The following AFAP1 variants were observed in gnomAD, a reference collection of about 807,000 sequenced individuals.
AFAP1 encodes the protein actin filament-associated protein 1.
AFAP1 carries 75 observed loss-of-function variants against 93.9 expected under a neutral mutation model. That is an observed-to-expected ratio of 0.80 (90% CI 0.66 to 0.97). The LOEUF is 0.97. Among genes scored for constraint, AFAP1 ranks in the 50% least tolerant of loss-of-function variants. The pLI is 0.00. For missense variants in AFAP1, 1,201 were observed against 1,050.8 expected (o/e 1.14, Z -1.98); for synonymous variants, 517 against 430.7 (o/e 1.20, Z -2.48).
intron 2 of AFAP1, among the ~76,000 whole-genome samples, chr4:7,870,377 A>C (rs1716914213): frequency 6.6e-6 from 1 of 152,226 alleles, no homozygotes. Flanking sequence ...TGAACATTTC[A>C]GGCCAGGCGC....
intron 7 of AFAP1, among the ~76,000 whole-genome samples, chr4:7,816,790 G>A (rs1720518304): frequency 6.6e-6 from 1 of 152,212 alleles, no homozygotes; most frequent in Non-Finnish European, 1.5e-5. Context: ...TTCCACGAGG[G>A]CCTTGGAGAC....
intron 8 of AFAP1, among the ~76,000 whole-genome samples, chr4:7,813,603 T>A (rs934513518): frequency 6.6e-6 from 1 of 152,248 alleles, no homozygotes; most frequent in South Asian, 2.1e-4. Context: ...AACATTGAGA[T>A]TGTATGTTAT....
chr4:7,937,852 A>T (rs1350037168), intron 1 of AFAP1, among the ~76,000 whole-genome samples: 1 of 152,226 alleles, frequency 6.6e-6, no homozygotes. Context: ...ATAGAAAAAG[A>T]TTAATCTAAA....
intron 8 of AFAP1, among the ~76,000 whole-genome samples, chr4:7,811,493 G>T (rs1720032645): frequency 6.7e-6 from 1 of 148,870 alleles, no homozygotes; most frequent in Non-Finnish European, 1.5e-5. Flanking sequence ...CTGGGGAGCG[G>T]GAAGTGGTCC....
rs984215966 is a variant in AFAP1 at position 7,763,758 on chromosome 4, C to T, written c.*7G>A. The T allele has an allele frequency of 2.8e-5, 44 of 1,551,544 alleles. No individual in the cohort carries two copies. The Admixed American group carries it at 3.9e-4, about 14-fold the overall frequency. On this transcript the variant is annotated 3_prime_UTR_variant, in exon 18 of 18. Coordinates refer to ENST00000420658, the MANE Select transcript of AFAP1 (RefSeq NM_001134647.2). Reference sequence around the variant, plus strand: ...AGTCTCTGAGGCTGGAGTGGTGCTGCTGTCCCCTAGGTCCCGTTCTTCAAT... The same window carrying T: ...AGTCTCTGAGGCTGGAGTGGTGCTGTTGTCCCCTAGGTCCCGTTCTTCAAT...
chr4:7,894,604 G>A (rs1450024489), intron 1 of AFAP1, among the ~76,000 whole-genome samples: 1 of 152,116 alleles, frequency 6.6e-6, no homozygotes, highest in Non-Finnish European at 1.5e-5. Context: ...GGAGACAGAG[G>A]GGGCCTGGTC....
At chr4:7,847,603 T>G (rs1006271561) in intron 4 of AFAP1, among the ~76,000 whole-genome samples, 1 of 152,210 alleles carries the variant, frequency 6.6e-6, no homozygotes, top group South Asian at 2.1e-4. Flanking sequence ...TCTAGGACTT[T>G]GAGAAGTTCA....
intron 8 of AFAP1, among the ~76,000 whole-genome samples, chr4:7,815,404 T>G (rs1474961816): frequency 6.6e-6 from 1 of 152,256 alleles, no homozygotes; most frequent in Non-Finnish European, 1.5e-5. Context: ...ATGGTATATT[T>G]TATATTATGT....
chr4:7,896,878 C>T (rs1386911926), intron 1 of AFAP1, among the ~76,000 whole-genome samples: 1 of 151,790 alleles, frequency 6.6e-6, no homozygotes, highest in East Asian at 1.9e-4. Flanking sequence ...CCCAACCGCC[C>T]GGCAGCACAT....
intron 1 of AFAP1, among the ~76,000 whole-genome samples, chr4:7,916,271 A>C (rs1198667743): frequency 2.0e-5 from 3 of 152,218 alleles, no homozygotes; most frequent in Non-Finnish European, 4.4e-5. Flanking sequence ...ACACATACCC[A>C]AATAAAACTT....
chr4:7,927,691 A>G (rs1398385359), intron 1 of AFAP1, among the ~76,000 whole-genome samples: 2 of 152,184 alleles, frequency 1.3e-5, no homozygotes, highest in African/African-American at 4.8e-5. Context: ...ATATGTATAT[A>G]TACACTCATA....
intron 1 of AFAP1, among the ~76,000 whole-genome samples, chr4:7,931,006 C>A (rs1024676895): frequency 1.3e-5 from 2 of 152,180 alleles, no homozygotes; most frequent in African/African-American, 4.8e-5. Context: ...CCTGCCTCGG[C>A]CTCCCAAAAA....
Position 7,762,774 on chromosome 4 carries a change from T to TTA in AFAP1, c.*989_*990dup, listed in dbSNP as rs1165645153. On this transcript the variant is annotated 3_prime_UTR_variant, in exon 18 of 18. Coordinates refer to ENST00000420658, the MANE Select transcript of AFAP1 (RefSeq NM_001134647.2). ...AATTCCTGCCTCTTGCTCTAAGGTG[T>TTA]TATAGTTCCATGAGCGAACAAATTC... 1 of 152,182 alleles carries TTA rather than the reference T, an allele frequency of 6.6e-6. No individual in the cohort carries two copies. Among genetic ancestry groups the TTA allele is most frequent in the Admixed American group, 6.5e-5 (1 of 15,272 alleles). 9.4% of individuals were successfully genotyped at this position (152,182 alleles called of 1,614,324 possible).
intron 1 of AFAP1, among the ~76,000 whole-genome samples, chr4:7,931,497 T>C (rs1230511285): frequency 6.6e-6 from 1 of 151,896 alleles, no homozygotes; most frequent in South Asian, 2.1e-4. Context: ...GATCAGGTGA[T>C]CAACCTCCTG....
rs139926727 is a variant in AFAP1, at chr4:7,807,753, G to A, written c.1054+1861C>T. 1.8e-4 allele frequency among the ~76,000 whole-genome samples: 28 copies of A among 152,302 alleles called. No individual in the cohort carries two copies. The East Asian group carries it at 4.6e-3, about 25-fold the overall frequency. On this transcript the variant is annotated intron_variant, in intron 9 of 17. Transcript: ENST00000420658. The stretch of plus-strand genomic sequence containing the variant: ...TGTGTCCACCAGAAGTCAGTATGAC[G>A]CAACTTCCCAGATCACACTGTGAAA...
intron 5 of AFAP1, among the ~76,000 whole-genome samples, chr4:7,840,814 G>C (rs1389449817): frequency 6.6e-6 from 1 of 152,170 alleles, no homozygotes; most frequent in Non-Finnish European, 1.5e-5. Context: ...TCGTACAATG[G>C]AAGGAATCGG....
At chr4:7,855,850 C>A (rs957973105) in intron 3 of AFAP1, among the ~76,000 whole-genome samples, 1 of 152,176 alleles carries the variant, frequency 6.6e-6, no homozygotes, top group Non-Finnish European at 1.5e-5. Context: ...GGAGCATCCA[C>A]GACACAGAAT....
At chr4:7,891,896 C>G (rs1265349718) in intron 1 of AFAP1, among the ~76,000 whole-genome samples, 3 of 151,708 alleles carry the variant, frequency 2.0e-5, no homozygotes, top group African/African-American at 7.3e-5. Context: ...ACTAAAAATA[C>G]AAAATAAATT....
chr4:7,814,246 C>A (rs558118628), intron 8 of AFAP1, among the ~76,000 whole-genome samples: 29 of 152,112 alleles, frequency 1.9e-4, no homozygotes, highest in Non-Finnish European at 2.2e-4. Flanking sequence ...ATACTGATGG[C>A]ACATAAACAT....
Sources: gnomAD v4.1 joint callset for allele counts (sites outside exome capture counted in the v4.1 genomes callset) on GRCh38, gnomAD v4.1.1 for gene constraint, MANE v1.5 for transcripts, NCBI Gene and HGNC (gene_info 2026-07-23, HGNC 2026-07-21) for gene names.